The following SPAG16 variants were observed in gnomAD, a reference collection of about 807,000 sequenced individuals.
The protein encoded by SPAG16 is sperm associated antigen 16, also known as sperm-associated antigen 16 protein.
A neutral mutation model predicts 80.4 loss-of-function variants in SPAG16; 86 were observed. The ratio of observed to expected loss-of-function variants is 1.07; its 90% CI spans 0.90 to 1.28. The LOEUF (loss-of-function observed/expected upper bound fraction) is 1.28. Ranked by LOEUF, SPAG16 falls within the 50% of genes most tolerant of loss-of-function variation. SPAG16 has a pLI of 0.00. For synonymous variants in SPAG16, 294 were observed against 265.9 expected, an observed-to-expected ratio of 1.11 and a Z score of -1.03; for missense variants, 870 against 765.3, an observed-to-expected ratio of 1.14 and a Z score of -1.61.
At chr2:213,400,333 A>G (rs913032855) in intron 9 of SPAG16, among the ~76,000 whole-genome samples, 1 of 152,134 alleles carries the variant, frequency 6.6e-6, no homozygotes, top group Non-Finnish European at 1.5e-5. Flanking sequence ...AGATGTTTAT[A>G]TGTAGCATTT....
At chr2:213,727,494 A>G (rs7597705) in intron 10 of SPAG16, among the ~76,000 whole-genome samples, 141,421 of 152,210 alleles carry the variant, frequency 0.93, 66,618 homozygotes, top group East Asian at 1. Flanking sequence ...CAAAAACAGG[A>G]AGCCAGTGAA....
intron 12 of SPAG16, among the ~76,000 whole-genome samples, chr2:213,974,410 T>A (rs1575695522): frequency 6.6e-6 from 1 of 152,026 alleles, no homozygotes; most frequent in Non-Finnish European, 1.5e-5. Flanking sequence ...AAAGATTTGC[T>A]TATTTTAAAA....
intron 10 of SPAG16, among the ~76,000 whole-genome samples, chr2:213,531,875 C>G (rs1008757887): frequency 6.6e-6 from 1 of 152,126 alleles, no homozygotes; most frequent in Non-Finnish European, 1.5e-5. Flanking sequence ...CATTTGGAAT[C>G]TTACAATCAG....
intron 10 of SPAG16, among the ~76,000 whole-genome samples, chr2:213,543,980 G>T (rs375277614): frequency 6.6e-6 from 1 of 151,962 alleles, no homozygotes; most frequent in African/African-American, 2.4e-5. Context: ...GAAGCTTTGC[G>T]TATTTCTCAA....
intron 13 of SPAG16, among the ~76,000 whole-genome samples, chr2:214,085,372 C>T (rs2125281871): frequency 1.0e-5 from 1 of 97,676 alleles, no homozygotes; most frequent in Non-Finnish European, 2.2e-5. Flanking sequence ...GAGGGAGATT[C>T]CACCTCAAAA....
In SPAG16 at chr2:214,410,225, C is replaced by G. The variant is rs770197890; in HGVS notation, c.1806C>G (p.His602Gln). ...KSGEIHKLMGHENEAHTVVFS... is the reference protein window; with the variant it reads ...KSGEIHKLMGQENEAHTVVFS... ...GGGAGATTCACAAATTGATGGGCCA[C>G]GAAAACGAGGCACACACGGTTGTGT... The change falls in exon 16 of 16, where the codon CAC (histidine) becomes CAG (glutamine). Residue 602 changes from histidine to glutamine, a missense_variant. By Grantham distance (24) the His-to-Gln change is conservative (BLOSUM62 0). Transcript: ENST00000331683. 2.5e-6 allele frequency: 4 copies of G among 1,613,474 alleles called. No individual in the cohort carries two copies. The highest frequency in any genetic ancestry group is 3.4e-6 in the Non-Finnish European group (4 of 1,179,486).
chr2:214,045,192 A>G (rs2049246558), intron 13 of SPAG16, among the ~76,000 whole-genome samples: 2 of 152,156 alleles, frequency 1.3e-5, no homozygotes, highest in Non-Finnish European at 2.9e-5. Context: ...TGCATCTTAA[A>G]TACCAGCTCT....
intron 1 of SPAG16, among the ~76,000 whole-genome samples, chr2:213,294,113 T>C (rs375166031): frequency 6.6e-6 from 1 of 152,204 alleles, no homozygotes; most frequent in East Asian, 1.9e-4. Context: ...GTAACTCCCC[T>C]TCTAATGTCT....
At chr2:214,410,102 G>T in intron 15 of SPAG16, 38 bp from the exon 16 acceptor site, 3 of 1,603,090 alleles carry the variant, frequency 1.9e-6, no homozygotes, top group South Asian at 2.2e-5. Context: ...ATAAAACTTT[G>T]ATTCATTCTC....
intron 9 of SPAG16, among the ~76,000 whole-genome samples, chr2:213,461,266 G>T (rs942228519): frequency 6.6e-6 from 1 of 152,208 alleles, no homozygotes; most frequent in East Asian, 1.9e-4. Flanking sequence ...CAAAAAGGAA[G>T]AGGTAATATG....
chr2:214,162,455 TA>T (rs917066437), intron 15 of SPAG16, among the ~76,000 whole-genome samples: 1 of 152,098 alleles, frequency 6.6e-6, no homozygotes, highest in African/African-American at 2.4e-5. Flanking sequence ...TGGAGATTTT[TA>T]ACCCTATTAC....
In SPAG16 at chr2:213,547,059, T is replaced by C. The variant is rs191837287; in HGVS notation, c.1070+56969T>C. Among the ~76,000 whole-genome samples the C allele has an allele frequency of 7.9e-5, 12 of 152,244 alleles. No individual in the cohort carries two copies. In the East Asian group the frequency reaches 2.3e-3, roughly 29 times the overall value. The stretch of plus-strand genomic sequence containing the variant: ...GGAGCATAGATTAAAATAATGTATT[T>C]TATTGTGGATCTCCCTTCAGAATTC... On this transcript the variant is annotated intron_variant, in intron 10 of 15. Coordinates refer to ENST00000331683, the MANE Select transcript of SPAG16 (RefSeq NM_024532.5).
At chr2:213,897,145 C>A (rs1432437863) in intron 11 of SPAG16, among the ~76,000 whole-genome samples, 2 of 151,902 alleles carry the variant, frequency 1.3e-5, no homozygotes, top group African/African-American at 4.8e-5. Flanking sequence ...TTGATCTTTA[C>A]CAATTATATG....
At chr2:214,377,372 T>G (rs555643015) in intron 15 of SPAG16, among the ~76,000 whole-genome samples, 2 of 152,294 alleles carry the variant, frequency 1.3e-5, no homozygotes, top group African/African-American at 4.8e-5. Flanking sequence ...TTGAATTGCT[T>G]GATATGTACC....
At chr2:213,993,619 T>C (rs2046382584) in intron 12 of SPAG16, among the ~76,000 whole-genome samples, 1 of 152,206 alleles carries the variant, frequency 6.6e-6, no homozygotes, top group Non-Finnish European at 1.5e-5. Context: ...CATATAGCTT[T>C]TTAAGAAAGA....
intron 9 of SPAG16, among the ~76,000 whole-genome samples, chr2:213,392,449 T>C (rs373409407): frequency 1.1e-4 from 16 of 152,368 alleles, no homozygotes; most frequent in African/African-American, 2.4e-4. Context: ...ACATGGAGTT[T>C]CTAAAAAAGA....
intron 5 of SPAG16, among the ~76,000 whole-genome samples, chr2:213,325,027 A>G (rs1175861286): frequency 6.6e-6 from 1 of 152,060 alleles, no homozygotes; most frequent in Admixed American, 6.5e-5. Flanking sequence ...TGACCATTCT[A>G]AAAAGCATTC....
chr2:214,025,959 A>G (rs1329543936), intron 13 of SPAG16, among the ~76,000 whole-genome samples: 2 of 151,590 alleles, frequency 1.3e-5, no homozygotes, highest in Non-Finnish European at 3.0e-5. Flanking sequence ...TGTTTATTTG[A>G]CTACCCAGCA....
At chr2:213,307,321 C>T (rs1368126021) in intron 3 of SPAG16, among the ~76,000 whole-genome samples, 1 of 147,900 alleles carries the variant, frequency 6.8e-6, no homozygotes, top group Admixed American at 6.7e-5. Flanking sequence ...CGTCATCTAG[C>T]ATTAGGTATA....
Sources: gnomAD v4.1 joint callset for allele counts (sites outside exome capture counted in the v4.1 genomes callset) on GRCh38, gnomAD v4.1.1 for gene constraint, MANE v1.5 for transcripts, NCBI Gene and HGNC (gene_info 2026-07-23, HGNC 2026-07-21) for gene names.